Variants in CACNA1D observed in about 807,000 individuals in gnomAD.
CACNA1D encodes calcium voltage-gated channel subunit alpha1 D.
CACNA1D carries 55 observed loss-of-function variants against 257.1 expected under a neutral mutation model. The observed-to-expected ratio is 0.21, with a 90% CI of 0.17 to 0.27. CACNA1D has a LOEUF of 0.27. CACNA1D is among the 10% of genes least tolerant of loss of function. The pLI is 1.00. For synonymous variants in CACNA1D, 980 were observed against 1,014.9 expected (o/e 0.97, Z 0.65); for missense variants, 1,876 against 2,784.0 (o/e 0.67, Z 7.34).
chr3:53,726,755 G>A (rs2094938913), intron 14 of CACNA1D, 124 bp from the exon 15 acceptor site: 1 of 1,091,854 alleles, frequency 9.2e-7, no homozygotes, highest in Admixed American at 1.7e-5. Context: ...AGATGGATTT[G>A]TTCAGTGCAA....
chr3:53,670,971 C>T (rs927163046), intron 7 of CACNA1D, among the ~76,000 whole-genome samples: 4 of 152,128 alleles, frequency 2.6e-5, no homozygotes, highest in African/African-American at 7.2e-5. Flanking sequence ...TTCTCAGAGC[C>T]GAAGCTTGTC....
intron 10 of CACNA1D, chr3:53,718,812 G>A (rs938115928): frequency 7.7e-7 from 1 of 1,293,098 alleles, no homozygotes; most frequent in African/African-American, 1.5e-5. Context: ...CTGTGGCAGA[G>A]TTGCTGACTA....
intron 22 of CACNA1D, among the ~76,000 whole-genome samples, chr3:53,743,657 G>A (rs2095138712): frequency 1.3e-5 from 2 of 152,204 alleles, no homozygotes; most frequent in Non-Finnish European, 1.5e-5. Context: ...GGCATTTAGC[G>A]ATTTCTGGTG....
Position 53,735,460 on chromosome 3 carries a change from T to C in CACNA1D, c.2708T>C (p.Leu903Pro). 6.2e-7 allele frequency: 1 copy of C among 1,613,870 alleles called. No homozygotes were observed. The highest frequency in any genetic ancestry group is 8.5e-7 in the Non-Finnish European group (1 of 1,179,822). ...LVFIMLSSAA[L>P]AAEDPIRSHS... Reference sequence around the variant, plus strand: ...TTCATCATGCTGAGCAGCGCTGCCCTGGCCGCAGAGGACCCCATCCGCAGC... The same window carrying C: ...TTCATCATGCTGAGCAGCGCTGCCCCGGCCGCAGAGGACCCCATCCGCAGC... The change falls in exon 20 of 48, where the codon CTG becomes CCG. Residue 903 changes from leucine to proline, a missense_variant. This residue lies in a region of CACNA1D where 271 missense variants were observed against 425.5 expected (regional missense o/e 0.64). Transcript: ENST00000350061.
chr3:53,682,026 C>T (rs2094434464), intron 8 of CACNA1D, among the ~76,000 whole-genome samples: 2 of 152,072 alleles, frequency 1.3e-5, no homozygotes, highest in African/African-American at 2.4e-5. Flanking sequence ...GAATCCAGGT[C>T]ACGTAGGACC....
At chr3:53,529,689 G>C (rs1351862285) in intron 3 of CACNA1D, among the ~76,000 whole-genome samples, 2 of 152,218 alleles carry the variant, frequency 1.3e-5, no homozygotes, top group Admixed American at 1.3e-4. Flanking sequence ...ATACATAACT[G>C]TTGTGTATGA....
In CACNA1D at chr3:53,666,225, C is replaced by T. The variant is rs539574860; in HGVS notation, c.920-114C>T. 7.1e-5 allele frequency: 68 copies of T among 955,206 alleles called. 1 individual carries two copies. Among genetic ancestry groups the T allele is most frequent in the African/African-American group, 4.7e-4 (29 of 62,188 alleles). 59.2% of individuals were successfully genotyped at this position (955,206 alleles called of 1,614,324 possible). A position where few individuals can be genotyped will look rare whatever the true frequency, so the allele number is the denominator to read the frequency against. On this transcript the variant is annotated intron_variant, in intron 6 of 47. Coordinates refer to ENST00000350061, the MANE Select transcript of CACNA1D (RefSeq NM_001128840.3). ...AAGGACAAGCAGGATCCTGAGGCAA[C>T]GCAGATGGGGCGGTAGGGTGTCCCG...
At chr3:53,502,408 G>C (rs1170164425) in intron 3 of CACNA1D, among the ~76,000 whole-genome samples, 1 of 151,610 alleles carries the variant, frequency 6.6e-6, no homozygotes, top group African/African-American at 2.4e-5. Context: ...TTAAAAAACA[G>C]GTTTCCTTTT....
chr3:53,677,615 T>A (rs58086880), intron 8 of CACNA1D, among the ~76,000 whole-genome samples: 10 of 152,252 alleles, frequency 6.6e-5, no homozygotes, highest in African/African-American at 1.9e-4. Context: ...GGCCACACTT[T>A]ACACACACAT....
chr3:53,767,594 A>G (rs2095341374), intron 30 of CACNA1D, among the ~76,000 whole-genome samples: 1 of 151,740 alleles, frequency 6.6e-6, no homozygotes, highest in Non-Finnish European at 1.5e-5. Flanking sequence ...ACAAAATAAA[A>G]TTCCCAACAT....
chr3:53,657,340 C>T (rs2094157969), intron 4 of CACNA1D, among the ~76,000 whole-genome samples: 1 of 151,766 alleles, frequency 6.6e-6, no homozygotes, highest in African/African-American at 2.4e-5. Context: ...AAAAAAAACT[C>T]TACCGATAAA....
At chr3:53,576,123 C>A (rs529183725) in intron 3 of CACNA1D, among the ~76,000 whole-genome samples, 1 of 152,256 alleles carries the variant, frequency 6.6e-6, no homozygotes, top group Non-Finnish European at 1.5e-5. Context: ...ATGTCTTGGC[C>A]TCAGATAAGA....
chr3:53,689,194 A>G (rs963368365), intron 8 of CACNA1D, among the ~76,000 whole-genome samples: 1 of 152,088 alleles, frequency 6.6e-6, no homozygotes, highest in African/African-American at 2.4e-5. Flanking sequence ...ATGGTAAAGA[A>G]AGGAAGCAAG....
chr3:53,586,063 G>A lies in CACNA1D; in HGVS notation c.484-64716G>A, dbSNP rs148215953. Among the ~76,000 whole-genome samples the A allele has an allele frequency of 4.5e-3, 679 of 152,240 alleles. 2 individuals are homozygous for A. Among genetic ancestry groups the A allele is most frequent in the African/African-American group, 0.016 (661 of 41,534 alleles). On this transcript the variant is annotated intron_variant, in intron 3 of 47. Transcript: ENST00000350061. ...AGGAACAAAGCAGGCCCCAAACTGT[G>A]TATAGGATATGTGGGTAATGGGCCA...
At chr3:53,772,736 A>G in intron 32 of CACNA1D, 97 bp from the exon 33 acceptor site, 1 of 859,260 alleles carries the variant, frequency 1.2e-6, no homozygotes, top group Non-Finnish European at 2.0e-6. Context: ...GTGGAATAGA[A>G]AGGAAGCATG....
intron 3 of CACNA1D, among the ~76,000 whole-genome samples, chr3:53,539,045 G>A (rs2092220669): frequency 6.6e-6 from 1 of 152,010 alleles, no homozygotes; most frequent in Admixed American, 6.6e-5. Context: ...ACGTCCCTAA[G>A]CAGTATCACT....
At chr3:53,519,468 A>G (rs1233451645) in intron 3 of CACNA1D, among the ~76,000 whole-genome samples, 1 of 152,190 alleles carries the variant, frequency 6.6e-6, no homozygotes, top group African/African-American at 2.4e-5. Context: ...CCTCTTGCTT[A>G]TAATTGAAGC....
intron 32 of CACNA1D, 128 bp from the exon 33 acceptor site, chr3:53,772,705 G>C: frequency 1.4e-6 from 1 of 738,338 alleles, no homozygotes; most frequent in Non-Finnish European, 2.4e-6. Flanking sequence ...CCTCACTGTC[G>C]ATATTCTTTC....
rs563121952 is a variant in CACNA1D at position 53,521,397 on chromosome 3, G to A, written c.483+19677G>A. ...CACAAAAGTTTTTACTTTTGATGAC[G>A]CGTAATATACATTGTTAGAAGGCCA... On this transcript the variant is annotated intron_variant, in intron 3 of 47. Transcript: ENST00000350061. Among the ~76,000 whole-genome samples the A allele has an allele frequency of 2.7e-4, 41 of 152,202 alleles. 1 individual carries two copies. The highest frequency in any genetic ancestry group is 5.2e-4 in the Admixed American group (8 of 15,286).
Sources: allele counts gnomAD v4.1 joint callset (sites outside exome capture counted in the v4.1 genomes callset), GRCh38; gene constraint gnomAD v4.1.1; regional missense constraint gnomAD v4.1.1; transcripts MANE v1.5; gene names NCBI Gene and HGNC (gene_info 2026-07-23, HGNC 2026-07-21).